ZNF397: variants seen among roughly 807,000 people sequenced by gnomAD.
The protein encoded by ZNF397 is zinc finger protein 397, also known as zinc finger and SCAN domain-containing protein 15.
A neutral mutation model predicts 50.6 loss-of-function variants in ZNF397; 38 were observed. The ratio of observed to expected loss-of-function variants is 0.75; its 90% CI spans 0.58 to 0.98. ZNF397 has a LOEUF of 0.98. ZNF397 is among the 50% of genes least tolerant of loss of function. The probability of loss-of-function intolerance (pLI) is 0.00; values close to 1 mark genes in which losing one functional copy is unlikely to be tolerated. For synonymous variants in ZNF397, 228 were observed against 215.2 expected, an observed-to-expected ratio of 1.06 and a Z score of -0.52; for missense variants, 624 against 624.1, an observed-to-expected ratio of 1.00 and a Z score of 0.00.
chr18:35,256,054 A>G (rs1454953389), intron 5 of ZNF397, among the ~76,000 whole-genome samples: 1 of 152,162 alleles, frequency 6.6e-6, no homozygotes. Context: ...GAAAATTAGA[A>G]AAGCAATGTA....
intron 5 of ZNF397, chr18:35,257,405 G>A (rs924366196): frequency 6.5e-6 from 1 of 153,164 alleles, no homozygotes; most frequent in African/African-American, 2.4e-5. Flanking sequence ...CCAAGGTGAT[G>A]GTATTAGGAA....
downstream of ZNF397, chr18:35,254,536 T>TG (rs1247851769): frequency 7.0e-7 from 1 of 1,437,064 alleles, no homozygotes; most frequent in African/African-American, 1.4e-5. Context: ...AGAAGTGGCC[T>TG]GGGGTAGCCA....
In ZNF397 at chr18:35,245,997, GA is replaced by G; in HGVS notation, c.1296del (p.Ala433LeufsTer8). On this transcript the variant is annotated frameshift_variant, in exon 4 of 4. Transcript: ENST00000330501. LOFTEE classifies it high-confidence loss of function. ...AGACCCTATGAATGTAATGAATGTGGAAAAGCTTTCAGGCAGAGCTCAGAGC... is the reference window on the plus strand; with the variant it reads ...AGACCCTATGAATGTAATGAATGTGGAAAGCTTTCAGGCAGAGCTCAGAGC... ...GERPYECNEC[G>X]KAFRQSSELI... 6.3e-7 allele frequency: 1 copy of G among 1,578,896 alleles called. No homozygotes were observed. Among genetic ancestry groups the G allele is most frequent in the Non-Finnish European group, 8.6e-7 (1 of 1,162,276 alleles).
chr18:35,244,086 A>G (rs1462885198), intron 3 of ZNF397: 1 of 154,550 alleles, frequency 6.5e-6, no homozygotes, highest in East Asian at 1.9e-4. Flanking sequence ...CCTATTAAAG[A>G]CTGCTGTAAT....
chr18:35,254,275 ATG>A (rs2043709967), downstream of ZNF397: 3 of 1,614,002 alleles, frequency 1.9e-6, no homozygotes, highest in Non-Finnish European at 2.5e-6. Context: ...TCCGTTGGGA[ATG>A]TGTTTCTCCA....
rs1315094602 is a variant in ZNF397, at chr18:35,246,244, A to T, written c.1539A>T (p.Glu513Asp). The T allele has an allele frequency of 6.4e-7, 1 of 1,552,192 alleles. No homozygotes were observed. Among genetic ancestry groups the T allele is most frequent in the Non-Finnish European group, 8.7e-7 (1 of 1,147,104 alleles). ...HSGDEAYICN[E>D]CGKAFRHRSV... Reference sequence around the variant, plus strand: ...GGGATGAAGCTTATATATGTAATGAATGTGGGAAGGCTTTCAGGCACAGAT... The same window carrying T: ...GGGATGAAGCTTATATATGTAATGATTGTGGGAAGGCTTTCAGGCACAGAT... Residue 513 changes from glutamate (E) to aspartate (D), a missense_variant, in exon 4 of 4, where the codon GAA becomes GAT. Coordinates refer to ENST00000330501, the MANE Select transcript of ZNF397 (RefSeq NM_001135178.3).
chr18:35,257,768 G>A (rs924273029), intron 5 of ZNF397, among the ~76,000 whole-genome samples: 1 of 152,146 alleles, frequency 6.6e-6, no homozygotes, highest in Non-Finnish European at 1.5e-5. Context: ...CACCTTCATT[G>A]CCCCATCTCT....
At chr18:35,244,421 A>G (rs1231894792) in intron 3 of ZNF397, among the ~76,000 whole-genome samples, 1 of 152,240 alleles carries the variant, frequency 6.6e-6, no homozygotes, top group Middle Eastern at 3.2e-3. Context: ...TTAATAAAAT[A>G]TGGATATAAT....
chr18:35,252,662 A>AGACCAGAT (rs2043640549), downstream of ZNF397: 3 of 152,190 alleles, frequency 2.0e-5, no homozygotes, highest in Admixed American at 2.0e-4. Context: ...AGTGACTCAT[A>AGACCAGAT]GACCAGATTT....
downstream of ZNF397, chr18:35,251,393 A>C (rs2043588664): frequency 6.6e-6 from 1 of 152,198 alleles, no homozygotes; most frequent in South Asian, 2.1e-4. Context: ...CTCACTATCC[A>C]TTTGAAAGAT....
At chr18:35,254,592 T>A, downstream of ZNF397, 1 of 790,928 alleles carries the variant, frequency 1.3e-6, no homozygotes. Flanking sequence ...AATGAATTAG[T>A]ATTGGAGAAG....
Position 35,245,718 on chromosome 18 carries a change from A to C in ZNF397, c.1013A>C (p.Glu338Ala). 6.4e-7 allele frequency: 1 copy of C among 1,552,208 alleles called. No homozygotes were observed. The change falls in exon 4 of 4, where the codon GAG (glutamate) becomes GCG (alanine). Residue 338 changes from glutamate to alanine, a missense_variant. Coordinates refer to ENST00000330501, the MANE Select transcript of ZNF397 (RefSeq NM_001135178.3). ...LIIHQRIHSG[E>A]KAYECSECGK... ...ATTCATCAGAGAATTCATAGTGGTG[A>C]GAAAGCATATGAATGTAGTGAATGT...
rs1009629718 is a variant in ZNF397, at chr18:35,247,661, T to C, written c.*1351T>C. 1.5e-5 allele frequency: 2 copies of C among 135,336 alleles called. No individual in the cohort carries two copies. The highest frequency in any genetic ancestry group is 2.8e-5 in the African/African-American group (1 of 36,000). 8.4% of individuals were successfully genotyped at this position (135,336 alleles called of 1,614,324 possible). A position where few individuals can be genotyped will look rare whatever the true frequency, so the allele number is the denominator to read the frequency against. Reference sequence around the variant, plus strand: ...TGTCACCAGTATTTCACAATATCTTTTGCAATTTTTTTTTTTTTTTTTTTT... The same window carrying C: ...TGTCACCAGTATTTCACAATATCTTCTGCAATTTTTTTTTTTTTTTTTTTT... On this transcript the variant is annotated 3_prime_UTR_variant, in exon 4 of 4. Coordinates refer to ENST00000330501, the MANE Select transcript of ZNF397 (RefSeq NM_001135178.3).
Position 35,249,195 on chromosome 18 carries a change from C to T in ZNF397, c.*2885C>T, listed in dbSNP as rs778241610. On this transcript the variant is annotated 3_prime_UTR_variant, in exon 4 of 4. Transcript: ENST00000330501. ...TATAAAACAGACAGGGATTCAGGGA[C>T]ATTGGGACTCTAATGCTGCTGGTAA... 1.3e-5 allele frequency: 2 copies of T among 152,158 alleles called. No individual in the cohort carries two copies. Among genetic ancestry groups the T allele is most frequent in the Non-Finnish European group, 2.9e-5 (2 of 68,036 alleles). The allele number at this position is 152,158 out of a possible 1,614,324, so 9.4% of individuals were successfully genotyped here.
chr18:35,254,459 C>A, downstream of ZNF397: 2 of 1,605,540 alleles, frequency 1.2e-6, no homozygotes, highest in South Asian at 2.2e-5. Flanking sequence ...AACACAAACT[C>A]AATGAAATAG....
rs2043514401 is a variant in ZNF397 at position 35,248,256 on chromosome 18, AAAGAG to A, written c.*1950_*1954del. On this transcript the variant is annotated 3_prime_UTR_variant, in exon 4 of 4. Coordinates refer to ENST00000330501, the MANE Select transcript of ZNF397 (RefSeq NM_001135178.3). ...AATTTTCATGAGGATAAAAAGAAGC[AAAGAG>A]AAGTAATGCTCTTATTGGGGCGTGC... The A allele has an allele frequency of 6.6e-6, 1 of 152,226 alleles. No individual in the cohort carries two copies. Among genetic ancestry groups the A allele is most frequent in the African/African-American group, 2.4e-5 (1 of 41,464 alleles). The allele number at this position is 152,226 out of a possible 1,614,324, so 9.4% of individuals were successfully genotyped here.
chr18:35,257,657 A>C (rs1245818060), intron 5 of ZNF397: 2 of 492,432 alleles, frequency 4.1e-6, no homozygotes, highest in East Asian at 6.8e-5. Context: ...TTGTTATAGC[A>C]GTCCTAACCG....
In ZNF397 at chr18:35,245,690, A is replaced by C. The variant is rs755448255; in HGVS notation, c.985A>C (p.Ile329Leu). 14 of 1,552,310 alleles carry C rather than the reference A, an allele frequency of 9.0e-6. 1 individual carries two copies. In the South Asian group the frequency reaches 1.7e-4, roughly 18 times the overall value. Residue 329 changes from isoleucine (I) to leucine (L), a missense_variant, in exon 4 of 4, where the codon ATT becomes CTT. Coordinates refer to ENST00000330501, the MANE Select transcript of ZNF397 (RefSeq NM_001135178.3). ...GGCCTTTAGTTTGAGGTCCTATCTT[A>C]TTATTCATCAGAGAATTCATAGTGG... ...GKAFSLRSYL[I>L]IHQRIHSGEK...
chr18:35,255,204 C>G (rs1480074211), intron 5 of ZNF397, among the ~76,000 whole-genome samples: 1 of 151,184 alleles, frequency 6.6e-6, no homozygotes, highest in Non-Finnish European at 1.5e-5. Flanking sequence ...TGCCCCATCT[C>G]TAGTAGTCTC....
Sources: allele counts gnomAD v4.1 joint callset (sites outside exome capture counted in the v4.1 genomes callset), GRCh38; gene constraint gnomAD v4.1.1; transcripts MANE v1.5; gene names NCBI Gene and HGNC (gene_info 2026-07-23, HGNC 2026-07-21).